SNX29: variants seen among roughly 807,000 people sequenced by gnomAD.
SNX29 encodes sorting nexin 29, also known as sorting nexin-29.
Under a neutral mutation model 102.1 loss-of-function variants are expected in SNX29, and 78 were observed. The observed-to-expected ratio is 0.76, with a 90% CI of 0.64 to 0.92. The LOEUF (loss-of-function observed/expected upper bound fraction) is 0.92. Ranked by LOEUF, SNX29 falls within the 40% of genes least tolerant of loss-of-function variation. The pLI is 0.00. For synonymous variants in SNX29, 580 were observed against 414.5 expected, an observed-to-expected ratio of 1.40 and a Z score of -4.85; for missense variants, 1,280 against 1,061.7, an observed-to-expected ratio of 1.21 and a Z score of -2.86.
At chr16:12,336,420 G>A (rs2081451910) in intron 15 of SNX29, among the ~76,000 whole-genome samples, 1 of 152,218 alleles carries the variant, frequency 6.6e-6, no homozygotes, top group Non-Finnish European at 1.5e-5. Flanking sequence ...CCGTGTTGTT[G>A]AGATTGGCCT....
intron 12 of SNX29, among the ~76,000 whole-genome samples, chr16:12,129,394 AGGCAATCAG>A (rs2054355256): frequency 6.6e-6 from 1 of 152,232 alleles, no homozygotes; most frequent in Non-Finnish European, 1.5e-5. Context: ...GCCTGCTCGC[AGGCAATCAG>A]GGACATGGAG....
intron 16 of SNX29, among the ~76,000 whole-genome samples, chr16:12,382,394 G>A (rs1375453018): frequency 6.6e-6 from 1 of 152,162 alleles, no homozygotes; most frequent in Non-Finnish European, 1.5e-5. Flanking sequence ...AGCCCACACT[G>A]CCTGCTTCCA....
intron 20 of SNX29, 123 bp downstream of exon 20, chr16:12,524,964 A>T: frequency 7.3e-7 from 1 of 1,370,842 alleles, no homozygotes; most frequent in East Asian, 2.4e-5. Flanking sequence ...GACCCAGGCG[A>T]ACTCCAGGGG....
intron 20 of SNX29, among the ~76,000 whole-genome samples, chr16:12,545,884 T>C (rs2077576159): frequency 6.6e-6 from 1 of 152,110 alleles, no homozygotes; most frequent in South Asian, 2.1e-4. Context: ...GCCGTGGGCA[T>C]TGGGGTGGGG....
intron 16 of SNX29, among the ~76,000 whole-genome samples, chr16:12,362,940 ATG>A (rs756621831): frequency 1.3e-5 from 2 of 152,166 alleles, no homozygotes; most frequent in Non-Finnish European, 2.9e-5. Flanking sequence ...CATTGAGTGA[ATG>A]AATGAATGTC....
intron 20 of SNX29, among the ~76,000 whole-genome samples, chr16:12,540,609 G>GGGGTGGACCT (rs1393611681): frequency 3.9e-5 from 6 of 151,906 alleles, no homozygotes; most frequent in African/African-American, 1.5e-4. Context: ...GAGATTCCAT[G>GGGGTGGACCT]GGGTGGACCT....
chr16:12,537,550 T>A (rs998326774), intron 20 of SNX29, among the ~76,000 whole-genome samples: 2 of 152,200 alleles, frequency 1.3e-5, no homozygotes, highest in African/African-American at 2.4e-5. Flanking sequence ...CTATGGAGCT[T>A]CTCGAAGGGA....
chr16:12,556,013 G>C (rs995873965), intron 20 of SNX29, among the ~76,000 whole-genome samples: 3 of 152,160 alleles, frequency 2.0e-5, no homozygotes, highest in Non-Finnish European at 4.4e-5. Context: ...TTGTCCTGTG[G>C]ACTCATGCCA....
At chr16:12,456,874 C>T (rs568766694) in intron 18 of SNX29, among the ~76,000 whole-genome samples, 7 of 152,198 alleles carry the variant, frequency 4.6e-5, no homozygotes, top group East Asian at 3.9e-4. Flanking sequence ...CTCAGGAGCA[C>T]CCTCTGAACT....
At chr16:12,556,858 A>G (rs3135017) in intron 20 of SNX29, among the ~76,000 whole-genome samples, 32,572 of 148,748 alleles carry the variant, frequency 0.22, 3,620 homozygotes, top group East Asian at 0.42. Context: ...AAAAAATTGA[A>G]TTTTTTTTTT....
intron 3 of SNX29, among the ~76,000 whole-genome samples, chr16:12,017,236 CTA>C (rs1450230914): frequency 1.3e-5 from 2 of 152,214 alleles, no homozygotes; most frequent in Non-Finnish European, 2.9e-5. Context: ...CTTGCTAGCA[CTA>C]TGATTGCTTT....
intron 18 of SNX29, among the ~76,000 whole-genome samples, chr16:12,456,509 G>A (rs545842794): frequency 0.015 from 2,174 of 148,448 alleles, 47 homozygotes; most frequent in African/African-American, 0.05. Context: ...GTGTGCACGT[G>A]TGTGTGTGTG....
At chr16:12,218,750 G>C (rs2077391804) in intron 14 of SNX29, among the ~76,000 whole-genome samples, 2 of 152,082 alleles carry the variant, frequency 1.3e-5, no homozygotes, top group Non-Finnish European at 2.9e-5. Context: ...ATGGAATTTA[G>C]GTTGTTTCCA....
chr16:12,092,598 C>G (rs1019593916), intron 11 of SNX29, among the ~76,000 whole-genome samples: 1 of 152,202 alleles, frequency 6.6e-6, no homozygotes, highest in Admixed American at 6.5e-5. Context: ...GATCCTGGCT[C>G]TGAGAGTAGT....
chr16:12,154,050 C>G (rs936229207), intron 13 of SNX29, among the ~76,000 whole-genome samples: 1 of 152,108 alleles, frequency 6.6e-6, no homozygotes, highest in South Asian at 2.1e-4. Flanking sequence ...GATGTAAAGT[C>G]CTCTTTTATT....
At chr16:12,112,616 T>A (rs1362675929) in intron 11 of SNX29, among the ~76,000 whole-genome samples, 1 of 152,176 alleles carries the variant, frequency 6.6e-6, no homozygotes, top group Non-Finnish European at 1.5e-5. Context: ...GCGGGAGAAG[T>A]GGCTTTGTCT....
chr16:12,301,884 C>G (rs912015619), intron 15 of SNX29, among the ~76,000 whole-genome samples: 2 of 152,220 alleles, frequency 1.3e-5, no homozygotes, highest in African/African-American at 2.4e-5. Flanking sequence ...CCCGAATACA[C>G]TTGATAGTCA....
At chr16:12,436,390 G>A (rs919152929) in intron 18 of SNX29, among the ~76,000 whole-genome samples, 2 of 152,228 alleles carry the variant, frequency 1.3e-5, no homozygotes, top group African/African-American at 4.8e-5. Flanking sequence ...GCGTCAGTGC[G>A]ATGCGTGACA....
intron 14 of SNX29, among the ~76,000 whole-genome samples, chr16:12,276,318 T>G (rs568355127): frequency 2.6e-5 from 4 of 152,334 alleles, no homozygotes; most frequent in Non-Finnish European, 5.9e-5. Flanking sequence ...CTGTTGTGAT[T>G]GGGTCACTCC....
Sources: allele counts gnomAD v4.1 joint callset (sites outside exome capture counted in the v4.1 genomes callset), GRCh38; gene constraint gnomAD v4.1.1; transcripts MANE v1.5; gene names NCBI Gene and HGNC (gene_info 2026-07-23, HGNC 2026-07-21).